GALNTL6: variants seen among roughly 807,000 people sequenced by gnomAD.
GALNTL6 encodes polypeptide N-acetylgalactosaminyltransferase-like 6.
A neutral mutation model predicts 73.7 loss-of-function variants in GALNTL6; 46 were observed. The observed-to-expected ratio is 0.62, with a 90% CI of 0.49 to 0.80. GALNTL6 has a LOEUF of 0.80. Among genes scored for constraint, GALNTL6 ranks in the 30% least tolerant of loss-of-function variants. The probability of loss-of-function intolerance (pLI) is 0.00; values close to 1 mark genes in which losing one functional copy is unlikely to be tolerated. For synonymous variants in GALNTL6, 259 were observed against 263.7 expected, an observed-to-expected ratio of 0.98 and a Z score of 0.17; for missense variants, 604 against 755.0, an observed-to-expected ratio of 0.80 and a Z score of 2.34.
At chr4:172,897,257 G>C (rs958011809) in intron 8 of GALNTL6, among the ~76,000 whole-genome samples, 1 of 152,128 alleles carries the variant, frequency 6.6e-6, no homozygotes, top group Non-Finnish European at 1.5e-5. Context: ...TCCTCTGATT[G>C]CAACAGGAGG....
At chr4:172,941,455 G>A (rs1184384015) in intron 9 of GALNTL6, among the ~76,000 whole-genome samples, 1 of 152,038 alleles carries the variant, frequency 6.6e-6, no homozygotes, top group East Asian at 1.9e-4. Context: ...GTTTGTTTTG[G>A]TTATTCACTC....
At chr4:172,062,563 G>C (rs1731243194) in intron 2 of GALNTL6, among the ~76,000 whole-genome samples, 1 of 152,178 alleles carries the variant, frequency 6.6e-6, no homozygotes, top group Non-Finnish European at 1.5e-5. Context: ...AAGAAGGTTG[G>C]TCGTGAATTA....
At chr4:172,693,669 AT>A (rs1042042090) in intron 5 of GALNTL6, among the ~76,000 whole-genome samples, 13 of 152,004 alleles carry the variant, frequency 8.6e-5, no homozygotes, top group Admixed American at 2.6e-4. Context: ...GAGGTTTTTC[AT>A]TTCTTCCCAG....
intron 5 of GALNTL6, among the ~76,000 whole-genome samples, chr4:172,542,177 T>C (rs1375788218): frequency 1.3e-5 from 2 of 151,640 alleles, no homozygotes; most frequent in Admixed American, 1.3e-4. Context: ...AATTTTATAG[T>C]CAGGTTTGAG....
At chr4:172,383,772 G>A (rs1160825762) in intron 5 of GALNTL6, among the ~76,000 whole-genome samples, 1 of 152,038 alleles carries the variant, frequency 6.6e-6, no homozygotes, top group African/African-American at 2.4e-5. Context: ...GCTTTTCATC[G>A]GGTTCAGGAG....
chr4:172,586,707 A>T (rs1737424365), intron 5 of GALNTL6, among the ~76,000 whole-genome samples: 1 of 152,230 alleles, frequency 6.6e-6, no homozygotes, highest in Non-Finnish European at 1.5e-5. Flanking sequence ...TGCATTATTA[A>T]GTTTTAATGA....
At position 172,886,051 on chromosome 4, in the gene GALNTL6, G is replaced by A. The variant is rs140535801; in HGVS notation, c.1041+3144G>A. ...TAGTTTAGCTATCAGGATAATACTG[G>A]CATTATAGAATGAGTTTGGAAGAAT... On this transcript the variant is annotated intron_variant, in intron 8 of 12. Coordinates refer to ENST00000506823, the MANE Select transcript of GALNTL6 (RefSeq NM_001034845.3). 1.7e-3 allele frequency among the ~76,000 whole-genome samples: 253 copies of A among 152,214 alleles called. 1 individual carries two copies. The highest frequency in any genetic ancestry group is 5.9e-3 in the African/African-American group (247 of 41,538).
intron 9 of GALNTL6, among the ~76,000 whole-genome samples, chr4:172,942,788 G>C (rs1748979169): frequency 6.6e-6 from 1 of 152,160 alleles, no homozygotes; most frequent in South Asian, 2.1e-4. Flanking sequence ...GCTGAGTCTG[G>C]AGGAACCAAG....
intron 2 of GALNTL6, among the ~76,000 whole-genome samples, chr4:171,942,870 T>C (rs1738593753): frequency 1.3e-5 from 2 of 152,202 alleles, no homozygotes; most frequent in South Asian, 4.1e-4. Context: ...TCAGAATTCT[T>C]ATTAAAAACT....
At chr4:172,056,716 C>A (rs1731029170) in intron 2 of GALNTL6, among the ~76,000 whole-genome samples, 1 of 151,606 alleles carries the variant, frequency 6.6e-6, no homozygotes, top group African/African-American at 2.4e-5. Flanking sequence ...ATAAAATAAG[C>A]ATTTTGACAT....
At chr4:172,405,764 AT>A (rs144582172) in intron 5 of GALNTL6, among the ~76,000 whole-genome samples, 4,693 of 151,284 alleles carry the variant, frequency 0.031, 233 homozygotes, top group African/African-American at 0.1. Context: ...CCTTTTATTG[AT>A]TTTTTTTCAT....
chr4:171,876,648 G>A (rs1330624485), intron 2 of GALNTL6, among the ~76,000 whole-genome samples: 2 of 152,164 alleles, frequency 1.3e-5, no homozygotes, highest in Non-Finnish European at 2.9e-5. Flanking sequence ...GCCTCACCAA[G>A]TCAACTTAGA....
Position 172,616,707 on chromosome 4 carries a change from C to T in GALNTL6, c.554-192654C>T, listed in dbSNP as rs1738749621. 3.3e-5 allele frequency among the ~76,000 whole-genome samples: 5 copies of T among 152,168 alleles called. No individual in the cohort carries two copies. In the South Asian group the frequency reaches 1.0e-3, roughly 32 times the overall value. On this transcript the variant is annotated intron_variant, in intron 5 of 12. Coordinates refer to ENST00000506823, the MANE Select transcript of GALNTL6 (RefSeq NM_001034845.3). ...GCTCTGAAATTATGACATCCATGTG[C>T]TCCAAGCCAAACATGATCTCCAAGG... is the stretch of plus-strand genomic sequence containing the variant.
intron 11 of GALNTL6, among the ~76,000 whole-genome samples, chr4:173,018,121 C>T (rs555653684): frequency 1.3e-5 from 2 of 152,280 alleles, no homozygotes; most frequent in African/African-American, 4.8e-5. Flanking sequence ...ATCAAGACCA[C>T]TTGTTCCTGC....
chr4:172,057,897 A>G (rs964564646), intron 2 of GALNTL6, among the ~76,000 whole-genome samples: 104 of 151,872 alleles, frequency 6.8e-4, no homozygotes, highest in African/African-American at 2.5e-3. Context: ...ACACTTATGA[A>G]CATAGCTCTT....
intron 12 of GALNTL6, among the ~76,000 whole-genome samples, chr4:173,031,688 A>G (rs1437582486): frequency 6.6e-6 from 1 of 152,186 alleles, no homozygotes; most frequent in Non-Finnish European, 1.5e-5. Flanking sequence ...CTAGATACAC[A>G]TTTGACAAAT....
intron 5 of GALNTL6, among the ~76,000 whole-genome samples, chr4:172,725,644 G>T (rs1233029856): frequency 6.6e-6 from 1 of 152,190 alleles, no homozygotes. Context: ...GTGTAGAAGG[G>T]TTAGAGATAG....
chr4:172,974,087 C>T (rs3864171), intron 10 of GALNTL6, among the ~76,000 whole-genome samples: 86,205 of 152,038 alleles, frequency 0.57, 26,154 homozygotes, highest in South Asian at 0.72. Context: ...TTGTAGGTAG[C>T]TAGGTATCAG....
At position 172,176,377 on chromosome 4, in the gene GALNTL6, T is replaced by C. The variant is rs529657668; in HGVS notation, c.139-53279T>C. Among the ~76,000 whole-genome samples, 5 of 143,016 alleles carry C rather than the reference T, an allele frequency of 3.5e-5. No individual in the cohort carries two copies. The East Asian group carries it at 1.0e-3, about 29-fold the overall frequency. The allele number at this position is 143,016 out of a possible 152,430, so 93.8% of individuals were successfully genotyped here. ...AAAAAGAGTGTATTCAGCATATTTA[T>C]TGAGTAATTAGAAATGAAAATAACG... On this transcript the variant is annotated intron_variant, in intron 2 of 12. Transcript: ENST00000506823.
Sources: allele counts gnomAD v4.1 joint callset (sites outside exome capture counted in the v4.1 genomes callset), GRCh38; gene constraint gnomAD v4.1.1; transcripts MANE v1.5; gene names NCBI Gene and HGNC (gene_info 2026-07-23, HGNC 2026-07-21).